The following EGFLAM variants were observed in gnomAD, a reference collection of about 807,000 sequenced individuals.
The protein encoded by EGFLAM is pikachurin.
A neutral mutation model predicts 113.1 loss-of-function variants in EGFLAM; 79 were observed. The observed-to-expected ratio is 0.70, with a 90% CI of 0.58 to 0.84. The LOEUF (loss-of-function observed/expected upper bound fraction) is 0.84, where lower values mean the gene tolerates loss of function less well. Ranked by LOEUF, EGFLAM falls within the 40% of genes least tolerant of loss-of-function variation. The pLI is 0.00. For missense variants in EGFLAM, 1,265 were observed against 1,291.6 expected (o/e 0.98, Z 0.32); for synonymous variants, 504 against 487.6 (o/e 1.03, Z -0.44).
At chr5:38,432,910 C>T (rs1387291828) in intron 15 of EGFLAM, among the ~76,000 whole-genome samples, 2 of 152,148 alleles carry the variant, frequency 1.3e-5, no homozygotes, top group Non-Finnish European at 2.9e-5. Context: ...CTACACTCTC[C>T]CTTTTGGCTT....
chr5:38,395,640 C>T (rs1247121018), intron 6 of EGFLAM, among the ~76,000 whole-genome samples: 1 of 152,152 alleles, frequency 6.6e-6, no homozygotes, highest in African/African-American at 2.4e-5. Flanking sequence ...AGAGAAGCTA[C>T]ACAGACTCAG....
chr5:38,458,702 C>T (rs962071948), intron 20 of EGFLAM, among the ~76,000 whole-genome samples: 6 of 152,072 alleles, frequency 3.9e-5, no homozygotes, highest in African/African-American at 9.7e-5. Context: ...ATGTTTGGGC[C>T]GGGCATGGTG....
At chr5:38,386,554 T>C (rs947401571) in intron 6 of EGFLAM, among the ~76,000 whole-genome samples, 2 of 152,186 alleles carry the variant, frequency 1.3e-5, no homozygotes, top group African/African-American at 4.8e-5. Context: ...GTTGCCAGGC[T>C]GGAGTGCAGT....
In EGFLAM at chr5:38,424,952, C is replaced by T; in HGVS notation, c.1685-15C>T. 1 of 1,612,420 alleles carries T rather than the reference C, an allele frequency of 6.2e-7. No individual in the cohort carries two copies. Among genetic ancestry groups the T allele is most frequent in the Admixed American group, 1.7e-5 (1 of 59,922 alleles). On this transcript the variant is annotated splice_polypyrimidine_tract_variant and intron_variant, in intron 12 of 21. Coordinates refer to ENST00000322350, the MANE Select transcript of EGFLAM (RefSeq NM_152403.4). ...ACATGGAGGATTGGCTTTGTAATTC[C>T]CATTCTGTATTTAGGGGAATGCAGC... is the stretch of plus-strand genomic sequence containing the variant.
In EGFLAM at chr5:38,269,663, A is replaced by G. The variant is rs187096053; in HGVS notation, c.97+10812A>G. Among the ~76,000 whole-genome samples the G allele has an allele frequency of 5.1e-3, 781 of 151,710 alleles. 4 individuals carry two copies. The highest frequency in any genetic ancestry group is 0.018 in the African/African-American group (746 of 41,368). ...CGCCACCATGCCCAGCTAATTTTTT[A>G]TATTTTTAGTAGAGACGGGGTTTCA... On this transcript the variant is annotated intron_variant, in intron 1 of 21. Transcript: ENST00000322350.
At chr5:38,333,199 C>G (rs370757065) in intron 1 of EGFLAM, among the ~76,000 whole-genome samples, 6 of 152,172 alleles carry the variant, frequency 3.9e-5, no homozygotes, top group African/African-American at 1.4e-4. Flanking sequence ...TCCAGTCTGT[C>G]ATTGATGGGC....
chr5:38,405,298 A>T (rs1741248097), intron 6 of EGFLAM, among the ~76,000 whole-genome samples: 1 of 152,190 alleles, frequency 6.6e-6, no homozygotes, highest in Non-Finnish European at 1.5e-5. Context: ...CACCTCATTC[A>T]CATCCCTTTT....
At chr5:38,309,353 C>T (rs771772860) in intron 1 of EGFLAM, among the ~76,000 whole-genome samples, 2 of 152,160 alleles carry the variant, frequency 1.3e-5, no homozygotes, top group Non-Finnish European at 2.9e-5. Flanking sequence ...TACCAGCACA[C>T]CACTGAGTAT....
intron 6 of EGFLAM, among the ~76,000 whole-genome samples, chr5:38,396,898 T>G (rs1341006806): frequency 6.6e-6 from 1 of 152,128 alleles, no homozygotes; most frequent in Non-Finnish European, 1.5e-5. Context: ...GCCATCTGCT[T>G]GACTTTCCAC....
chr5:38,406,925 T>G lies in EGFLAM; in HGVS notation c.926T>G (p.Ile309Ser). Residue 309 changes from isoleucine (I) to serine (S), a missense_variant, in exon 8 of 22, where the codon ATC (isoleucine) becomes AGC (serine). By Grantham distance (142) the Ile-to-Ser change is moderately radical. Coordinates refer to ENST00000322350, the MANE Select transcript of EGFLAM (RefSeq NM_152403.4). ...AACCCAAAGACCATTTCTAGGCTCA[T>G]CCCCCCTACCTCAGCATCTCTCCCT... ...ISNPKTISRL[I>S]PPTSASLPVT... 2 of 1,614,050 alleles carry G rather than the reference T, an allele frequency of 1.2e-6. No homozygotes were observed.
chr5:38,272,725 C>T (rs1757794088), intron 1 of EGFLAM, among the ~76,000 whole-genome samples: 1 of 151,688 alleles, frequency 6.6e-6, no homozygotes, highest in Non-Finnish European at 1.5e-5. Flanking sequence ...TTGACTGAAA[C>T]ATTCATCAGT....
intron 1 of EGFLAM, among the ~76,000 whole-genome samples, chr5:38,308,796 A>T (rs1276160374): frequency 6.6e-6 from 1 of 152,238 alleles, no homozygotes; most frequent in Non-Finnish European, 1.5e-5. Context: ...GTGGGAGAAG[A>T]AAGAATCCGG....
chr5:38,328,623 T>C (rs2246473), intron 1 of EGFLAM, among the ~76,000 whole-genome samples: 57,623 of 152,034 alleles, frequency 0.38, 14,919 homozygotes, highest in African/African-American at 0.74. Context: ...AATATTTTCG[T>C]TAATTTAATA....
At chr5:38,442,742 A>AT (rs1438307517) in intron 17 of EGFLAM, among the ~76,000 whole-genome samples, 1 of 152,112 alleles carries the variant, frequency 6.6e-6, no homozygotes, top group Non-Finnish European at 1.5e-5. Flanking sequence ...GGTTGCCAAG[A>AT]TTCCTGCACC....
chr5:38,443,506 T>G (rs1742613914), intron 17 of EGFLAM, among the ~76,000 whole-genome samples: 1 of 152,170 alleles, frequency 6.6e-6, no homozygotes, highest in Non-Finnish European at 1.5e-5. Flanking sequence ...AGGTTTTGTT[T>G]GTTTTTCCTT....
intron 14 of EGFLAM, among the ~76,000 whole-genome samples, chr5:38,428,841 C>A (rs1032511758): frequency 6.6e-6 from 1 of 152,130 alleles, no homozygotes; most frequent in Admixed American, 6.5e-5. Context: ...TGTTTCACTG[C>A]CTGTCAGCAA....
intron 11 of EGFLAM, among the ~76,000 whole-genome samples, chr5:38,414,952 C>T (rs1256898242): frequency 1.3e-5 from 2 of 152,166 alleles, no homozygotes; most frequent in Non-Finnish European, 2.9e-5. Context: ...CAAGGCATAA[C>T]TTATCTAAAC....
At chr5:38,375,060 G>GTTTTTTTTTTTTTTT (rs74821426) in intron 6 of EGFLAM, among the ~76,000 whole-genome samples, 1 of 107,742 alleles carries the variant, frequency 9.3e-6, no homozygotes, top group African/African-American at 3.6e-5. Flanking sequence ...CTCTGTTGTT[G>GTTTTTTTTTTTTTTT]TTTTTTTTTT....
chr5:38,431,426 A>C (rs1008353776), intron 15 of EGFLAM, 138 bp downstream of exon 15: 37 of 757,438 alleles, frequency 4.9e-5, no homozygotes, highest in African/African-American at 4.2e-4. Flanking sequence ...CCAGCTCCCC[A>C]CTGGGCAAAT....
Sources: allele counts gnomAD v4.1 joint callset (sites outside exome capture counted in the v4.1 genomes callset), GRCh38; gene constraint gnomAD v4.1.1; transcripts MANE v1.5; gene names NCBI Gene and HGNC (gene_info 2026-07-23, HGNC 2026-07-21).